Variants in ANKS1B observed in about 807,000 individuals in gnomAD.
ANKS1B encodes ankyrin repeat and sterile alpha motif domain containing 1B.
A neutral mutation model predicts 148.3 loss-of-function variants in ANKS1B; 36 were observed. The ratio of observed to expected loss-of-function variants is 0.24; its 90% CI spans 0.19 to 0.32. The LOEUF is 0.32. Among genes scored for constraint, ANKS1B ranks in the 10% least tolerant of loss-of-function variants. The pLI is 1.00. For missense variants in ANKS1B, 1,157 were observed against 1,542.6 expected (o/e 0.75, Z 4.19); for synonymous variants, 542 against 560.8 (o/e 0.97, Z 0.47).
intron 15 of ANKS1B, among the ~76,000 whole-genome samples, chr12:99,133,062 T>G (rs1336387331): frequency 1.3e-5 from 2 of 150,994 alleles, no homozygotes; most frequent in Non-Finnish European, 3.0e-5. Context: ...CTTTCTTTTT[T>G]TTTTTTTGAG....
intron 17 of ANKS1B, among the ~76,000 whole-genome samples, chr12:98,891,222 T>G (rs2099751950): frequency 6.6e-6 from 1 of 152,252 alleles, no homozygotes; most frequent in Non-Finnish European, 1.5e-5. Flanking sequence ...TGATATTCTC[T>G]GCATTTCCTA....
At chr12:99,855,078 C>A (rs1034623251) in intron 1 of ANKS1B, among the ~76,000 whole-genome samples, 2 of 151,754 alleles carry the variant, frequency 1.3e-5, no homozygotes, top group African/African-American at 4.8e-5. Context: ...ATGTAAGTGG[C>A]CTAAATGTTC....
chr12:99,713,797 C>A (rs1600376476), intron 8 of ANKS1B, among the ~76,000 whole-genome samples: 1 of 152,148 alleles, frequency 6.6e-6, no homozygotes, highest in South Asian at 2.1e-4. Context: ...GCAATCTGTT[C>A]ACAGAAATCT....
chr12:99,637,793 A>C (rs1404473163), intron 9 of ANKS1B, among the ~76,000 whole-genome samples: 1 of 117,584 alleles, frequency 8.5e-6, no homozygotes, highest in Non-Finnish European at 1.9e-5. Flanking sequence ...TCCCCTTTCT[A>C]TATATATATA....
intron 9 of ANKS1B, among the ~76,000 whole-genome samples, chr12:99,614,422 G>A (rs1288246399): frequency 7.4e-6 from 1 of 135,442 alleles, no homozygotes; most frequent in Non-Finnish European, 1.6e-5. Flanking sequence ...GTGACAGAGT[G>A]AGACTCTGTG....
intron 17 of ANKS1B, among the ~76,000 whole-genome samples, chr12:99,036,077 C>T (rs147353348): frequency 1.3e-5 from 2 of 152,274 alleles, no homozygotes; most frequent in Non-Finnish European, 2.9e-5. Context: ...TCTCTGCATT[C>T]CCTGGGGGTG....
At chr12:99,009,113 G>C (rs1456893363) in intron 17 of ANKS1B, among the ~76,000 whole-genome samples, 1 of 152,192 alleles carries the variant, frequency 6.6e-6, no homozygotes, top group African/African-American at 2.4e-5. Context: ...CCTTATGGAG[G>C]AATTATGGAA....
intron 17 of ANKS1B, among the ~76,000 whole-genome samples, chr12:98,883,511 C>A (rs2099721854): frequency 1.3e-5 from 2 of 152,190 alleles, no homozygotes; most frequent in South Asian, 4.1e-4. Context: ...TCACAGGAAT[C>A]CAAACCCCAT....
chr12:99,247,620 C>A (rs905398370), intron 12 of ANKS1B, among the ~76,000 whole-genome samples: 2 of 152,028 alleles, frequency 1.3e-5, no homozygotes, highest in Non-Finnish European at 2.9e-5. Flanking sequence ...GAAAAGAAAC[C>A]AATGATGAAT....
At chr12:98,849,293 C>A (rs1262844030) in intron 17 of ANKS1B, among the ~76,000 whole-genome samples, 1 of 150,884 alleles carries the variant, frequency 6.6e-6, no homozygotes, top group Non-Finnish European at 1.5e-5. Context: ...AATGATATTT[C>A]TATTTCATGA....
intron 17 of ANKS1B, among the ~76,000 whole-genome samples, chr12:99,051,251 C>A (rs894973680): frequency 1.3e-5 from 2 of 152,214 alleles, no homozygotes; most frequent in South Asian, 4.1e-4. Flanking sequence ...CATAGAGCCT[C>A]ACATTGTAAG....
At chr12:99,441,813 T>C (rs1032231719) in intron 11 of ANKS1B, among the ~76,000 whole-genome samples, 2 of 151,894 alleles carry the variant, frequency 1.3e-5, no homozygotes, top group African/African-American at 4.8e-5. Context: ...TACCTCTAGA[T>C]TTCTTCAAAG....
intron 17 of ANKS1B, among the ~76,000 whole-genome samples, chr12:98,843,492 C>CA (rs1251542833): frequency 1.3e-5 from 2 of 152,198 alleles, no homozygotes; most frequent in Non-Finnish European, 2.9e-5. Flanking sequence ...TCCTAGCCTG[C>CA]AGAACCATGA....
intron 4 of ANKS1B, among the ~76,000 whole-genome samples, chr12:99,795,246 TAAGATAATAACTTTAAGAC>T (rs1236172575): frequency 6.6e-6 from 1 of 151,736 alleles, no homozygotes; most frequent in African/African-American, 2.4e-5. Flanking sequence ...ACAAAACTAC[TAAGATAATAACTTTAAGAC>T]ACTCTGAGGG....
At chr12:98,855,680 C>T (rs1260299105) in intron 17 of ANKS1B, among the ~76,000 whole-genome samples, 1 of 152,078 alleles carries the variant, frequency 6.6e-6, no homozygotes, top group Non-Finnish European at 1.5e-5. Flanking sequence ...AAAGCTGGGA[C>T]TATACAAATA....
intron 9 of ANKS1B, among the ~76,000 whole-genome samples, chr12:99,555,480 A>G (rs2097266343): frequency 6.6e-6 from 1 of 152,278 alleles, no homozygotes; most frequent in South Asian, 2.1e-4. Flanking sequence ...ACGATATTGA[A>G]TACAAGTGGT....
chr12:98,950,880 A>T (rs2099853078), intron 17 of ANKS1B, among the ~76,000 whole-genome samples: 1 of 152,100 alleles, frequency 6.6e-6, no homozygotes, highest in African/African-American at 2.4e-5. Context: ...ATCCTCCTGC[A>T]TTGCTGGGAT....
At chr12:99,334,192 ACATAGAT>A (rs1220171320) in intron 12 of ANKS1B, among the ~76,000 whole-genome samples, 32 of 126,120 alleles carry the variant, frequency 2.5e-4, no homozygotes, top group African/African-American at 1.3e-3. Flanking sequence ...ATAGATAGAT[ACATAGAT>A]ACATAGATAC....
At chr12:99,799,777 T>C (rs866055603) in intron 4 of ANKS1B, among the ~76,000 whole-genome samples, 1 of 151,662 alleles carries the variant, frequency 6.6e-6, no homozygotes, top group African/African-American at 2.4e-5. Context: ...GAGGTAGGAG[T>C]GTACATAATG....
Sources: allele counts gnomAD v4.1 joint callset (sites outside exome capture counted in the v4.1 genomes callset), GRCh38; gene constraint gnomAD v4.1.1; transcripts MANE v1.5; gene names NCBI Gene and HGNC (gene_info 2026-07-23, HGNC 2026-07-21).